The following AAGAB variants were observed in gnomAD, a reference collection of about 807,000 sequenced individuals.
AAGAB encodes alpha and gamma adaptin binding protein.
A neutral mutation model predicts 44.1 loss-of-function variants in AAGAB; 38 were observed. The ratio of observed to expected loss-of-function variants is 0.86; its 90% CI spans 0.67 to 1.13. AAGAB has a LOEUF of 1.13. AAGAB is among the 50% of genes most tolerant of loss of function. The probability of loss-of-function intolerance (pLI) is 0.00; values close to 1 mark genes in which losing one functional copy is unlikely to be tolerated. For synonymous variants in AAGAB, 131 were observed against 131.8 expected (o/e 0.99, Z 0.04); for missense variants, 450 against 373.8 (o/e 1.20, Z -1.68).
chr15:67,246,159 T>G (rs1213054413), intron 1 of AAGAB, among the ~76,000 whole-genome samples: 1 of 152,124 alleles, frequency 6.6e-6, no homozygotes, highest in Admixed American at 6.5e-5. Context: ...GGTGAGCGGA[T>G]CAGCTGAGCT....
chr15:67,227,339 ACTTT>A (rs1964228352), intron 5 of AAGAB, among the ~76,000 whole-genome samples: 1 of 151,056 alleles, frequency 6.6e-6, no homozygotes, highest in East Asian at 1.9e-4. Flanking sequence ...TTTTTTTTTT[ACTTT>A]GTCAACCAAC....
chr15:67,245,746 TG>T (rs1964706613), intron 1 of AAGAB, among the ~76,000 whole-genome samples: 2 of 152,338 alleles, frequency 1.3e-5, no homozygotes, highest in Admixed American at 1.3e-4. Context: ...TGAACAAATC[TG>T]GTCAATATTC....
chr15:67,213,239 A>C (rs1460540985), intron 5 of AAGAB, among the ~76,000 whole-genome samples: 1 of 152,202 alleles, frequency 6.6e-6, no homozygotes, highest in Non-Finnish European at 1.5e-5. Context: ...ATCATGAAAA[A>C]ATCTGGCGGT....
At chr15:67,225,317 C>A (rs1159655336) in intron 5 of AAGAB, among the ~76,000 whole-genome samples, 3 of 152,142 alleles carry the variant, frequency 2.0e-5, no homozygotes, top group Non-Finnish European at 4.4e-5. Flanking sequence ...GCCACTTCTC[C>A]CTTTTCTATC....
chr15:67,232,551 C>T (rs1290078723), intron 4 of AAGAB: 1 of 402,462 alleles, frequency 2.5e-6, no homozygotes, highest in African/African-American at 2.1e-5. Context: ...GGCAACACTA[C>T]CTAAGAGAGA....
chr15:67,238,788 C>T (rs938197496), intron 1 of AAGAB, among the ~76,000 whole-genome samples: 1 of 151,916 alleles, frequency 6.6e-6, no homozygotes, highest in Non-Finnish European at 1.5e-5. Flanking sequence ...CTCCACCTCC[C>T]GGGTTCACAC....
At chr15:67,229,198 C>T (rs1964274725) in intron 5 of AAGAB, among the ~76,000 whole-genome samples, 1 of 152,106 alleles carries the variant, frequency 6.6e-6, no homozygotes, top group Non-Finnish European at 1.5e-5. Flanking sequence ...CTTTGGGAGG[C>T]CAAGGTGGGC....
intron 1 of AAGAB, among the ~76,000 whole-genome samples, chr15:67,252,006 G>A (rs954992480): frequency 6.6e-6 from 1 of 151,906 alleles, no homozygotes. Context: ...TTTACTACAC[G>A]ACAGTAACGA....
In AAGAB at chr15:67,254,660, G is replaced by A; in HGVS notation, c.-29C>T. 4.4e-6 allele frequency: 7 copies of A among 1,594,336 alleles called. No individual in the cohort carries two copies. Among genetic ancestry groups the A allele is most frequent in the Non-Finnish European group, 6.0e-6 (7 of 1,171,398 alleles). Reference sequence around the variant, plus strand: ...TGCGCTCGCGAGCCGGTTCCGTCAGGCAGCCGCTTCCGCCTTGGGCTGCAC... The same window carrying A: ...TGCGCTCGCGAGCCGGTTCCGTCAGACAGCCGCTTCCGCCTTGGGCTGCAC... On this transcript the variant is annotated 5_prime_UTR_variant, in exon 1 of 10. Transcript: ENST00000261880.
Position 67,202,900 on chromosome 15 carries a change from T to A in AAGAB, c.871-2A>T, listed in dbSNP as rs1744774669. On this transcript the variant is annotated splice_acceptor_variant, in intron 9 of 9. Transcript: ENST00000261880. LOFTEE classifies it high-confidence loss of function. ...TGCCATCCAGAATGCTTTGGCCACC[T>A]GTGGAGAGAAGCATGCAACAAATTT... 6.2e-7 allele frequency: 1 copy of A among 1,614,054 alleles called. No homozygotes were observed. The highest frequency in any genetic ancestry group is 8.5e-7 in the Non-Finnish European group (1 of 1,179,894).
chr15:67,204,605 C>T (rs1160542421), intron 7 of AAGAB, among the ~76,000 whole-genome samples: 2 of 151,982 alleles, frequency 1.3e-5, no homozygotes, highest in Non-Finnish European at 2.9e-5. Context: ...GAACAGATAA[C>T]ATTATCTGAG....
intron 5 of AAGAB, among the ~76,000 whole-genome samples, chr15:67,229,394 C>T (rs1408198988): frequency 6.7e-6 from 1 of 148,424 alleles, no homozygotes; most frequent in African/African-American, 2.5e-5. Flanking sequence ...GATCGTGCCA[C>T]TGCACTCCAG....
intron 1 of AAGAB, among the ~76,000 whole-genome samples, chr15:67,240,064 G>A (rs1328219279): frequency 6.6e-6 from 1 of 152,148 alleles, no homozygotes; most frequent in African/African-American, 2.4e-5. Context: ...GATCACACTT[G>A]AGTCTCTAAT....
chr15:67,207,170 CAA>C (rs1435095962), intron 7 of AAGAB, among the ~76,000 whole-genome samples: 1 of 152,164 alleles, frequency 6.6e-6, no homozygotes, highest in African/African-American at 2.4e-5. Context: ...CCCTGGGCAA[CAA>C]GAGCGAAACT....
At chr15:67,233,646 C>T (rs1176643457) in intron 4 of AAGAB, among the ~76,000 whole-genome samples, 6 of 152,174 alleles carry the variant, frequency 3.9e-5, no homozygotes, top group Non-Finnish European at 8.8e-5. Context: ...CCAGGCTCTG[C>T]CACTTACTAG....
chr15:67,255,142 A>G (rs1055972017), upstream of AAGAB: 46 of 617,680 alleles, frequency 7.4e-5, no homozygotes, highest in African/African-American at 7.9e-4. Context: ...CTTACCCTGT[A>G]GGTTACGCCC....
chr15:67,239,437 G>A (rs1964545432), intron 1 of AAGAB, among the ~76,000 whole-genome samples: 1 of 152,202 alleles, frequency 6.6e-6, no homozygotes, highest in African/African-American at 2.4e-5. Flanking sequence ...CATGGAGAAA[G>A]AAGCTGTTTC....
At chr15:67,250,189 G>C (rs986313404) in intron 1 of AAGAB, among the ~76,000 whole-genome samples, 1 of 151,808 alleles carries the variant, frequency 6.6e-6, no homozygotes, top group African/African-American at 2.4e-5. Context: ...TTCTTTACTG[G>C]AGACTTTGAG....
intron 5 of AAGAB, among the ~76,000 whole-genome samples, chr15:67,210,857 G>A (rs1963801714): frequency 2.0e-5 from 3 of 152,186 alleles, no homozygotes; most frequent in African/African-American, 7.2e-5. Flanking sequence ...AGTAGAACAT[G>A]AGACTGTAAC....
Sources: gnomAD v4.1 joint callset for allele counts (sites outside exome capture counted in the v4.1 genomes callset) on GRCh38, gnomAD v4.1.1 for gene constraint, MANE v1.5 for transcripts, NCBI Gene and HGNC (gene_info 2026-07-23, HGNC 2026-07-21) for gene names.